Variants in RBPJ observed in about 807,000 individuals in gnomAD.
RBPJ encodes recombination signal binding protein for immunoglobulin kappa J region, also known as recombining binding protein suppressor of hairless.
RBPJ carries 9 observed loss-of-function variants against 67.8 expected under a neutral mutation model. That is an observed-to-expected ratio of 0.13 (90% CI 0.08 to 0.23). RBPJ has a LOEUF of 0.23. Among genes scored for constraint, RBPJ ranks in the 10% least tolerant of loss-of-function variants. The pLI is 1.00. For synonymous variants in RBPJ, 198 were observed against 203.3 expected, an observed-to-expected ratio of 0.97 and a Z score of 0.22; for missense variants, 305 against 595.6, an observed-to-expected ratio of 0.51 and a Z score of 5.08.
chr4:26,329,365 T>G (rs1212339136), intron 1 of RBPJ, among the ~76,000 whole-genome samples: 1 of 152,164 alleles, frequency 6.6e-6, no homozygotes, highest in Non-Finnish European at 1.5e-5. Flanking sequence ...GTGGACACCA[T>G]AAGAGAAATA....
chr4:26,205,548 C>T (rs28372203), intron 1 of RBPJ, among the ~76,000 whole-genome samples: 3,656 of 152,172 alleles, frequency 0.024, 148 homozygotes, highest in African/African-American at 0.084. Context: ...GTGGGGATTC[C>T]AGACCAGCCT....
At chr4:26,408,749 T>G (rs1733728810) in intron 3 of RBPJ, among the ~76,000 whole-genome samples, 1 of 152,212 alleles carries the variant, frequency 6.6e-6, no homozygotes, top group African/African-American at 2.4e-5. Context: ...AGGTTGACAT[T>G]AGTTAGGAAT....
At chr4:26,247,797 A>T (rs959597893) in intron 1 of RBPJ, among the ~76,000 whole-genome samples, 8 of 152,194 alleles carry the variant, frequency 5.3e-5, no homozygotes, top group Non-Finnish European at 1.2e-4. Flanking sequence ...CTGATATTTT[A>T]AAATATTTAT....
At chr4:26,359,633 C>A (rs1382247943) in intron 1 of RBPJ, 2 of 152,008 alleles carry the variant, frequency 1.3e-5, no homozygotes, top group East Asian at 3.9e-4. Flanking sequence ...GGCATAGCCC[C>A]GGGGGACGTG....
chr4:26,185,534 C>T (rs539705254), intron 1 of RBPJ, among the ~76,000 whole-genome samples: 1 of 152,292 alleles, frequency 6.6e-6, no homozygotes, highest in African/African-American at 2.4e-5. Context: ...TGGTTTGATG[C>T]TTTCTGAGGC....
chr4:26,204,912 C>T (rs1718117484), intron 1 of RBPJ, among the ~76,000 whole-genome samples: 1 of 152,228 alleles, frequency 6.6e-6, no homozygotes, highest in African/African-American at 2.4e-5. Context: ...TCACCCCCTG[C>T]ACTCATTTCA....
At chr4:26,244,492 T>C (rs1441744467) in intron 1 of RBPJ, among the ~76,000 whole-genome samples, 1 of 149,658 alleles carries the variant, frequency 6.7e-6, no homozygotes, top group Non-Finnish European at 1.5e-5. Flanking sequence ...TGTATACATA[T>C]ATGTGTGTAT....
rs368834059 is a variant in RBPJ, at chr4:26,216,767, A to G, written c.-167+53153A>G. 9.8e-4 allele frequency among the ~76,000 whole-genome samples: 149 copies of G among 152,270 alleles called. 1 individual carries two copies. Among genetic ancestry groups the G allele is most frequent in the African/African-American group, 3.4e-3 (143 of 41,544 alleles). On this transcript the variant is annotated intron_variant, in intron 1 of 4. Transcript: ENST00000512351. ...GCAAAACCCCATCTCTACAAAATAAATACAAAAATTAGCTGGGTGTGGTGG... is the reference window on the plus strand; with the variant it reads ...GCAAAACCCCATCTCTACAAAATAAGTACAAAAATTAGCTGGGTGTGGTGG...
intron 1 of RBPJ, among the ~76,000 whole-genome samples, chr4:26,179,351 T>C (rs1320729037): frequency 6.7e-6 from 1 of 149,456 alleles, no homozygotes; most frequent in Non-Finnish European, 1.5e-5. Context: ...CCCCAAAGAG[T>C]TACTAATGCG....
chr4:26,363,494 A>G (rs145346549), intron 1 of RBPJ, among the ~76,000 whole-genome samples: 184 of 152,308 alleles, frequency 1.2e-3, no homozygotes, highest in Non-Finnish European at 2.1e-3. Flanking sequence ...GCTGGAGTGC[A>G]GTGGCACGAT....
chr4:26,247,780 C>G (rs1719977491), intron 1 of RBPJ, among the ~76,000 whole-genome samples: 1 of 152,074 alleles, frequency 6.6e-6, no homozygotes. Flanking sequence ...AATATAAAGA[C>G]AAGTTACTGA....
At chr4:26,110,186 A>G in the RBPJ span, among the ~76,000 whole-genome samples, 1 of 152,142 alleles carries the variant, frequency 6.6e-6, no homozygotes, top group Non-Finnish European at 1.5e-5. The surrounding 1 kb of genome is among the most constrained non-coding windows in gnomAD (Gnocchi z 4.5). Context: ...TGTACTTCTT[A>G]CATTTCAATT....
chr4:26,421,128 C>G (rs1356345740), intron 5 of RBPJ, among the ~76,000 whole-genome samples: 1 of 152,108 alleles, frequency 6.6e-6, no homozygotes, highest in Non-Finnish European at 1.5e-5. Context: ...AAAACGCTAC[C>G]AACTAAATGG....
chr4:26,356,761 G>C (rs964341043), intron 1 of RBPJ, among the ~76,000 whole-genome samples: 3 of 152,178 alleles, frequency 2.0e-5, no homozygotes, highest in African/African-American at 7.2e-5. Flanking sequence ...ACACTGCAGT[G>C]AATATCTTCG....
intron 1 of RBPJ, among the ~76,000 whole-genome samples, chr4:26,379,951 T>C (rs1262053051): frequency 6.6e-6 from 1 of 152,186 alleles, no homozygotes; most frequent in East Asian, 1.9e-4. Context: ...CATCTTGCTT[T>C]GATCACCTTT....
chr4:26,154,510 C>T, the RBPJ span, among the ~76,000 whole-genome samples: 2 of 152,234 alleles, frequency 1.3e-5, no homozygotes, highest in Admixed American at 6.5e-5. Flanking sequence ...TTCCATGCTG[C>T]TGTGGTCCCA....
At chr4:26,119,575 T>A in the RBPJ span, among the ~76,000 whole-genome samples, 1 of 152,218 alleles carries the variant, frequency 6.6e-6, no homozygotes. Flanking sequence ...TAGAAGGCAC[T>A]AGCCCCCTCC....
chr4:26,369,758 A>G (rs1195484051), intron 1 of RBPJ, among the ~76,000 whole-genome samples: 1 of 151,740 alleles, frequency 6.6e-6, no homozygotes, highest in Non-Finnish European at 1.5e-5. Flanking sequence ...ATTTCTCTTC[A>G]ACTTGGTGGC....
chr4:26,230,581 A>G (rs992462998), intron 1 of RBPJ, among the ~76,000 whole-genome samples: 10 of 152,226 alleles, frequency 6.6e-5, no homozygotes, highest in African/African-American at 2.4e-4. Flanking sequence ...ACCTTGAAAG[A>G]CTAACTCCAA....
Sources: allele counts gnomAD v4.1 joint callset (sites outside exome capture counted in the v4.1 genomes callset), GRCh38; gene constraint gnomAD v4.1.1; non-coding constraint Gnocchi (gnomAD v3.1); transcripts MANE v1.5; gene names NCBI Gene and HGNC (gene_info 2026-07-23, HGNC 2026-07-21).